Variants in CDH9 observed in about 807,000 individuals in gnomAD.
CDH9 encodes cadherin 9, also known as cadherin-9.
Under a neutral mutation model 70.9 loss-of-function variants are expected in CDH9, and 28 were observed. The ratio of observed to expected loss-of-function variants is 0.40; its 90% CI spans 0.29 to 0.54. CDH9 has a LOEUF of 0.54. Among genes scored for constraint, CDH9 ranks in the 20% least tolerant of loss-of-function variants. The probability of loss-of-function intolerance (pLI) is 0.59; values close to 1 mark genes in which losing one functional copy is unlikely to be tolerated. For synonymous variants in CDH9, 409 were observed against 343.1 expected (o/e 1.19, Z -2.12); for missense variants, 874 against 984.4 (o/e 0.89, Z 1.50).
At chr5:26,964,059 A>C (rs1448053781) in intron 2 of CDH9, among the ~76,000 whole-genome samples, 1 of 152,128 alleles carries the variant, frequency 6.6e-6, no homozygotes, top group Non-Finnish European at 1.5e-5. Flanking sequence ...TATAATAAAA[A>C]ATTGTGAAGA....
chr5:26,902,208 A>C (rs913361488), intron 7 of CDH9, among the ~76,000 whole-genome samples: 8 of 152,014 alleles, frequency 5.3e-5, no homozygotes, highest in Admixed American at 2.0e-4. Flanking sequence ...TATCCTCCCC[A>C]AAAACAAATT....
At chr5:27,002,275 T>A (rs1411502117) in intron 1 of CDH9, among the ~76,000 whole-genome samples, 2 of 152,160 alleles carry the variant, frequency 1.3e-5, no homozygotes, top group Non-Finnish European at 2.9e-5. Flanking sequence ...AAACAACAGG[T>A]GCTGGAGAGG....
At chr5:26,971,776 C>A (rs976091757) in intron 2 of CDH9, among the ~76,000 whole-genome samples, 2 of 152,040 alleles carry the variant, frequency 1.3e-5, no homozygotes, top group Admixed American at 6.6e-5. Context: ...TACACACACA[C>A]ACACACCCAT....
chr5:26,912,130 CTT>C (rs1020466719), intron 3 of CDH9, among the ~76,000 whole-genome samples: 16 of 152,060 alleles, frequency 1.1e-4, no homozygotes, highest in African/African-American at 3.9e-4. Context: ...GTTTTTAACT[CTT>C]TGATTTAAAT....
In CDH9 at chr5:26,890,635, T is replaced by C. The variant is rs751604509; in HGVS notation, c.1254-71A>G. The C allele has an allele frequency of 3.1e-5, 34 of 1,080,898 alleles. No homozygotes were observed. The African/African-American group carries it at 4.0e-4, about 13-fold the overall frequency. The allele number at this position is 1,080,898 out of a possible 1,614,324, so 67.0% of individuals were successfully genotyped here. On this transcript the variant is annotated intron_variant, in intron 7 of 11. Transcript: ENST00000231021. ...TTAGTTCTACTCTTTCTTAAAGCTA[T>C]AGGTAATTTCCACAATGATCTGACA...
intron 1 of CDH9, among the ~76,000 whole-genome samples, chr5:26,993,000 G>A (rs1742604021): frequency 6.6e-6 from 1 of 151,564 alleles, no homozygotes; most frequent in Non-Finnish European, 1.5e-5. Context: ...GGAGGCTGAG[G>A]CAGGCGAATC....
chr5:26,911,749 A>G (rs1741057975), intron 3 of CDH9, among the ~76,000 whole-genome samples: 1 of 152,192 alleles, frequency 6.6e-6, no homozygotes, highest in African/African-American at 2.4e-5. Flanking sequence ...CTTTAAATAT[A>G]TATCTTTGTA....
chr5:26,984,161 A>G (rs1742451057), intron 2 of CDH9, among the ~76,000 whole-genome samples: 1 of 152,160 alleles, frequency 6.6e-6, no homozygotes, highest in African/African-American at 2.4e-5. Flanking sequence ...AGAATGGGAT[A>G]ACAAAAGTTT....
At chr5:26,950,705 G>C (rs1741830237) in intron 2 of CDH9, among the ~76,000 whole-genome samples, 1 of 152,048 alleles carries the variant, frequency 6.6e-6, no homozygotes, top group African/African-American at 2.4e-5. Flanking sequence ...AACTATGGTA[G>C]GTAGGGGAAT....
chr5:26,944,767 T>TCG (rs34557005), intron 2 of CDH9, among the ~76,000 whole-genome samples: 1 of 162 alleles, frequency 6.2e-3, no homozygotes, highest in Admixed American at 0.1. Flanking sequence ...AATCCTGATT[T>TCG]CTGTTTTTTC....
At chr5:26,938,145 T>C (rs1355244912) in intron 2 of CDH9, among the ~76,000 whole-genome samples, 1 of 150,884 alleles carries the variant, frequency 6.6e-6, no homozygotes, top group Non-Finnish European at 1.5e-5. Context: ...CTAAAACTTC[T>C]CTAAAAATAA....
At chr5:26,962,217 G>T (rs569687859) in intron 2 of CDH9, among the ~76,000 whole-genome samples, 2 of 152,002 alleles carry the variant, frequency 1.3e-5, no homozygotes, top group Non-Finnish European at 2.9e-5. Flanking sequence ...TCTTTATCCA[G>T]TCTATCATTG....
At chr5:27,020,006 C>T (rs755415341) in intron 1 of CDH9, among the ~76,000 whole-genome samples, 1 of 151,748 alleles carries the variant, frequency 6.6e-6, no homozygotes, top group African/African-American at 2.4e-5. Context: ...AAAGTGGACA[C>T]CACTGGAACA....
At chr5:26,986,067 A>AG (rs1561029520) in intron 2 of CDH9, among the ~76,000 whole-genome samples, 2 of 151,906 alleles carry the variant, frequency 1.3e-5, no homozygotes. Context: ...TCCCTATTAA[A>AG]AAAAAGAAAG....
intron 2 of CDH9, among the ~76,000 whole-genome samples, chr5:26,937,996 T>C (rs868371677): frequency 2.6e-5 from 4 of 152,182 alleles, no homozygotes; most frequent in African/African-American, 4.8e-5. Flanking sequence ...AATAATAATA[T>C]AGTAATATTG....
chr5:27,033,976 G>A (rs1043398042), intron 1 of CDH9, among the ~76,000 whole-genome samples: 13 of 151,244 alleles, frequency 8.6e-5, no homozygotes, highest in Admixed American at 7.3e-4. Flanking sequence ...TACAGCTTCC[G>A]GTGTATATGC....
At chr5:26,971,307 G>A (rs994240318) in intron 2 of CDH9, among the ~76,000 whole-genome samples, 3 of 152,102 alleles carry the variant, frequency 2.0e-5, no homozygotes, top group Admixed American at 1.3e-4. Flanking sequence ...GAATACAAAC[G>A]AAGGTTTTAG....
At chr5:27,018,879 T>G (rs1454775942) in intron 1 of CDH9, among the ~76,000 whole-genome samples, 1 of 151,978 alleles carries the variant, frequency 6.6e-6, no homozygotes, top group Non-Finnish European at 1.5e-5. Context: ...GACAACAGAA[T>G]TTTGAGTTAG....
At chr5:26,948,025 G>C (rs1352623717) in intron 2 of CDH9, among the ~76,000 whole-genome samples, 1 of 151,914 alleles carries the variant, frequency 6.6e-6, no homozygotes, top group African/African-American at 2.4e-5. Flanking sequence ...CCATTTATTG[G>C]TGGAAGAGAA....
Sources: gnomAD v4.1 joint callset for allele counts (sites outside exome capture counted in the v4.1 genomes callset) on GRCh38, gnomAD v4.1.1 for gene constraint, MANE v1.5 for transcripts, NCBI Gene and HGNC (gene_info 2026-07-23, HGNC 2026-07-21) for gene names.